XIRP2: variants seen among roughly 807,000 people sequenced by gnomAD.
The protein encoded by XIRP2 is xin actin binding repeat containing 2.
A neutral mutation model predicts 277.0 loss-of-function variants in XIRP2; 236 were observed. The ratio of observed to expected loss-of-function variants is 0.85; its 90% CI spans 0.77 to 0.95. The LOEUF (loss-of-function observed/expected upper bound fraction) is 0.95. Ranked by LOEUF, XIRP2 falls within the 40% of genes least tolerant of loss-of-function variation. The pLI is 0.00. For missense variants in XIRP2, 4,640 were observed against 4,157.5 expected (o/e 1.12, Z -3.19); for synonymous variants, 1,490 against 1,416.5 (o/e 1.05, Z -1.17).
chr2:167,094,580 T>C (rs548371315), intron 2 of XIRP2, among the ~76,000 whole-genome samples: 137 of 152,322 alleles, frequency 9.0e-4, no homozygotes, highest in African/African-American at 3.1e-3. Context: ...GGGAATCCTT[T>C]CCCTATTGCT....
intron 2 of XIRP2, among the ~76,000 whole-genome samples, chr2:167,030,325 T>A (rs866919839): frequency 6.6e-6 from 1 of 152,178 alleles, no homozygotes; most frequent in Non-Finnish European, 1.5e-5. Context: ...ATTTTAGATC[T>A]TTCCCGCTTT....
chr2:167,093,733 TG>T (rs1574249141), intron 2 of XIRP2, among the ~76,000 whole-genome samples: 4 of 152,186 alleles, frequency 2.6e-5, no homozygotes, highest in African/African-American at 9.7e-5. Flanking sequence ...GCATTTGGGT[TG>T]GTTCCAAGTC....
chr2:167,162,377 T>C (rs973770838), intron 3 of XIRP2, among the ~76,000 whole-genome samples: 6 of 152,180 alleles, frequency 3.9e-5, no homozygotes, highest in African/African-American at 9.7e-5. Context: ...AAGAAAGAAG[T>C]TTAATGGACT....
chr2:167,011,909 A>G (rs183541643), intron 2 of XIRP2, among the ~76,000 whole-genome samples: 5,369 of 151,982 alleles, frequency 0.035, 119 homozygotes, highest in East Asian at 0.077. Flanking sequence ...CTGTGGGATC[A>G]GTGGTGATAT....
chr2:167,032,396 C>G (rs1172830247), intron 2 of XIRP2, among the ~76,000 whole-genome samples: 1 of 152,106 alleles, frequency 6.6e-6, no homozygotes, highest in Non-Finnish European at 1.5e-5. Flanking sequence ...TGGGCAAAGA[C>G]TTCATGACTA....
intron 3 of XIRP2, among the ~76,000 whole-genome samples, chr2:167,206,988 T>G (rs1003360087): frequency 6.6e-6 from 1 of 152,014 alleles, no homozygotes; most frequent in East Asian, 1.9e-4. Flanking sequence ...TTCTGCATAG[T>G]TTTTTTTCAG....
intron 2 of XIRP2, among the ~76,000 whole-genome samples, chr2:167,129,869 CAAAAAAA>C (rs11335228): frequency 1.0e-5 from 1 of 96,992 alleles, no homozygotes; most frequent in Non-Finnish European, 2.4e-5. Flanking sequence ...AACTCAGTCT[CAAAAAAA>C]AAAAAAAAAG....
rs1435105432 is a variant in XIRP2 at position 167,132,715 on chromosome 2, C to T, written c.409-3194C>T. Among the ~76,000 whole-genome samples, 4 of 152,276 alleles carry T rather than the reference C, an allele frequency of 2.6e-5. No homozygotes were observed. The East Asian group carries it at 7.8e-4, about 30-fold the overall frequency. ...CTATCCTCTGTCCTCCCTCCCAGTC[C>T]AGGACATTTGCACATATTGTCTTCA... On this transcript the variant is annotated intron_variant, in intron 2 of 10. Transcript: ENST00000409195.
intron 2 of XIRP2, among the ~76,000 whole-genome samples, chr2:167,114,372 T>A (rs1161777151): frequency 6.6e-6 from 1 of 152,182 alleles, no homozygotes; most frequent in Non-Finnish European, 1.5e-5. Flanking sequence ...AAAGTCAGTT[T>A]TCAAGCTCTG....
chr2:167,167,652 C>A (rs893964676), intron 3 of XIRP2, among the ~76,000 whole-genome samples: 5 of 152,044 alleles, frequency 3.3e-5, no homozygotes, highest in African/African-American at 1.2e-4. Context: ...CCTCCTATCC[C>A]TTGTATCATT....
chr2:167,110,371 T>A (rs1359610637), intron 2 of XIRP2, among the ~76,000 whole-genome samples: 1 of 152,226 alleles, frequency 6.6e-6, no homozygotes, highest in Admixed American at 6.6e-5. Flanking sequence ...GGGTCCAGTT[T>A]CATTCTTCTG....
intron 5 of XIRP2, among the ~76,000 whole-genome samples, chr2:167,221,460 CAAAAAAAAAAAAAA>C (rs57006710): frequency 1.6e-5 from 1 of 63,458 alleles, no homozygotes; most frequent in Non-Finnish European, 3.6e-5. Flanking sequence ...AACTCCATCT[CAAAAAAAAAAAAAA>C]AAAAAAAAAA....
intron 2 of XIRP2, among the ~76,000 whole-genome samples, chr2:166,941,667 C>G (rs553975576): frequency 6.0e-4 from 92 of 152,190 alleles, no homozygotes; most frequent in African/African-American, 2.2e-3. Context: ...AATGATTTCT[C>G]TATATTATTC....
chr2:167,004,382 C>G (rs1159182037), intron 2 of XIRP2, among the ~76,000 whole-genome samples: 2 of 151,848 alleles, frequency 1.3e-5, no homozygotes, highest in Non-Finnish European at 2.9e-5. Context: ...GTCAATAAAG[C>G]AGTTTTTATT....
chr2:167,050,673 G>T (rs1297086462), intron 2 of XIRP2, among the ~76,000 whole-genome samples: 1 of 151,936 alleles, frequency 6.6e-6, no homozygotes, highest in Non-Finnish European at 1.5e-5. Flanking sequence ...TTGAACCAAA[G>T]ATAGGATCAG....
At chr2:167,156,441 G>A (rs73017983) in intron 3 of XIRP2, among the ~76,000 whole-genome samples, 1 of 152,100 alleles carries the variant, frequency 6.6e-6, no homozygotes, top group Non-Finnish European at 1.5e-5. Context: ...CACAGGTTTA[G>A]TTTGCCAGCT....
At chr2:167,024,007 C>T (rs1451432920) in intron 2 of XIRP2, among the ~76,000 whole-genome samples, 5 of 152,028 alleles carry the variant, frequency 3.3e-5, no homozygotes, top group Admixed American at 2.6e-4. Flanking sequence ...TCATTGGTAG[C>T]TTGATGGGGA....
At chr2:167,054,067 G>T (rs1238366953) in intron 2 of XIRP2, among the ~76,000 whole-genome samples, 1 of 152,166 alleles carries the variant, frequency 6.6e-6, no homozygotes, top group Non-Finnish European at 1.5e-5. Flanking sequence ...TTAAAGTTGA[G>T]AGAGTAAAAT....
At chr2:166,919,128 GATACATAATACAGTGTATTATGTAT>G (rs1684971686) in intron 2 of XIRP2, among the ~76,000 whole-genome samples, 1 of 152,034 alleles carries the variant, frequency 6.6e-6, no homozygotes. Context: ...CCTTGTTTAT[GATACATAATACAGTGTATTATGTAT>G]TTCATAATAC....
Sources: gnomAD v4.1 joint callset for allele counts (sites outside exome capture counted in the v4.1 genomes callset) on GRCh38, gnomAD v4.1.1 for gene constraint, MANE v1.5 for transcripts, NCBI Gene and HGNC (gene_info 2026-07-23, HGNC 2026-07-21) for gene names.